The following GPR33 variants were observed in gnomAD, a reference collection of about 807,000 sequenced individuals.
GPR33 encodes G protein-coupled receptor 33.
Under a neutral mutation model 3.1 loss-of-function variants are expected in GPR33, and 4 were observed. That is an observed-to-expected ratio of 1.29 (90% confidence interval 0.64 to 2.96). The LOEUF is 2.96. GPR33 is among the 30% of genes most tolerant of loss of function. The pLI, the probability that GPR33 is intolerant of heterozygous loss-of-function variation, is 0.01. For synonymous variants in GPR33, 138 were observed against 142.0 expected (o/e 0.97, Z 0.20); for missense variants, 390 against 388.9 (o/e 1.00, Z -0.02).
chr14:31,487,364 C>T lies in GPR33; in HGVS notation c.-7+533G>A, dbSNP rs1278303617. ...CCACAGACCTGGGTTTGTATCCTACCTCTACCACTTACCAGCTCTGCAAGT... is the reference window on the plus strand; with the variant it reads ...CCACAGACCTGGGTTTGTATCCTACTTCTACCACTTACCAGCTCTGCAAGT... On this transcript the variant is annotated intron_variant, in intron 1 of 1. Transcript: ENST00000399285. 2.0e-5 allele frequency among the ~76,000 whole-genome samples: 3 copies of T among 151,774 alleles called. No individual in the cohort carries two copies. In the East Asian group the frequency reaches 5.8e-4, roughly 29 times the overall value.
Position 31,483,340 on chromosome 14 carries a change from C to G in GPR33, c.626G>C (p.Arg209Pro), listed in dbSNP as rs544480097. ...QWIHVACFIS[R>P]FLLGFLLPFF... ...AGGCAGAAGAAAGCCCAGCAAGAAG[C>G]GGCTGATGAAACAGGCCACATGAAT... The change falls in exon 2 of 2, where the codon CGC (arginine) becomes CCC (proline). Residue 209 changes from arginine (R) to proline (P), a missense_variant. Coordinates refer to ENST00000399285, the MANE Select transcript of GPR33 (RefSeq NM_001197184.3). 2 of 1,536,038 alleles carry G rather than the reference C, an allele frequency of 1.3e-6. No individual in the cohort carries two copies. Among genetic ancestry groups the G allele is most frequent in the Non-Finnish European group, 8.7e-7 (1 of 1,146,926 alleles).
At chr14:31,487,725 A>G (rs2032435742) in intron 1 of GPR33, among the ~76,000 whole-genome samples, 172 bp downstream of exon 1, 1 of 152,216 alleles carries the variant, frequency 6.6e-6, no homozygotes. Context: ...GGCATGAGCC[A>G]CCGTGCCCAG....
Position 31,483,074 on chromosome 14 carries a change from G to C in GPR33, c.892C>G (p.Leu298Val), listed in dbSNP as rs762312424. The change falls in exon 2 of 2, where the codon CTC becomes GTC. Residue 298 changes from leucine to valine, a missense_variant. By Grantham distance (32) the Leu-to-Val change is conservative. Transcript: ENST00000399285. ...AAATTCTCCCCAACAAATAAGTAGA[G>C]TGTGGGAGAAAAGATAGTATTGAAA... ...TSFNTIFSPT[L>V]YLFVGENFKK... 137 of 1,535,970 alleles carry C rather than the reference G, an allele frequency of 8.9e-5. No individual in the cohort carries two copies. Among genetic ancestry groups the C allele is most frequent in the Middle Eastern group, 3.3e-4 (2 of 6,006 alleles).
rs115805121 is a variant in GPR33, at chr14:31,483,541, G to C, written c.425C>G (p.Pro142Arg). ...CAGGACAATGCTGGAAGCCCAGCGCGGGGTTCGGTGCTGCTGGGACCACAC... is the reference window on the plus strand; with the variant it reads ...CAGGACAATGCTGGAAGCCCAGCGCCGGGTTCGGTGCTGCTGGGACCACAC... ...HPVWSQQHRT[P>R]RWASSIVLGV... is the part of the protein sequence containing the mutation. Residue 142 changes from proline to arginine, a missense_variant, in exon 2 of 2, where the codon CCG (proline) becomes CGG (arginine). Coordinates refer to ENST00000399285, the MANE Select transcript of GPR33 (RefSeq NM_001197184.3). 2,405 of 1,536,154 alleles carry C rather than the reference G, an allele frequency of 1.6e-3. 2 individuals are homozygous for C. Among genetic ancestry groups the C allele is most frequent in the Non-Finnish European group, 2.0e-3 (2,287 of 1,146,908 alleles).
intron 1 of GPR33, among the ~76,000 whole-genome samples, chr14:31,484,371 C>T (rs1361082029): frequency 2.6e-5 from 4 of 151,918 alleles, no homozygotes; most frequent in Non-Finnish European, 4.4e-5. Context: ...GCCTCAACCT[C>T]CTGGGCTCAA....
chr14:31,485,061 G>A (rs565193953), intron 1 of GPR33, among the ~76,000 whole-genome samples: 1 of 151,694 alleles, frequency 6.6e-6, no homozygotes, highest in Non-Finnish European at 1.5e-5. Context: ...TCAGCCTCCT[G>A]AGTAGCTGGG....
intron 1 of GPR33, among the ~76,000 whole-genome samples, chr14:31,484,499 T>C (rs1360091642): frequency 1.3e-5 from 2 of 152,172 alleles, no homozygotes; most frequent in East Asian, 1.9e-4. Context: ...TTGCCCAGCC[T>C]GGTCTTGAAC....
chr14:31,485,401 C>T (rs1298768296), intron 1 of GPR33, among the ~76,000 whole-genome samples: 3 of 151,262 alleles, frequency 2.0e-5, no homozygotes, highest in South Asian at 2.1e-4. Flanking sequence ...TTTGGGAGGC[C>T]GAGGTGGGCG....
intron 1 of GPR33, among the ~76,000 whole-genome samples, chr14:31,485,855 T>C (rs974683296): frequency 6.6e-6 from 1 of 152,298 alleles, no homozygotes; most frequent in African/African-American, 2.4e-5. Context: ...GCTCAGATGA[T>C]TTAGATAATC....
Position 31,483,814 on chromosome 14 carries a change from A to C in GPR33, c.152T>G (p.Leu51Arg). 1.3e-6 allele frequency: 2 copies of C among 1,536,072 alleles called. No homozygotes were observed. Among genetic ancestry groups the C allele is most frequent in the Non-Finnish European group, 8.7e-7 (1 of 1,146,830 alleles). ...TTTCATCTTGAATCTTAGCACCCATAGATAGAGGCCATTGGTGATGGTACC... is the reference window on the plus strand; with the variant it reads ...TTTCATCTTGAATCTTAGCACCCATCGATAGAGGCCATTGGTGATGGTACC... ...IIGTITNGLYLWVLRFKMKQT... is the reference protein window; with the variant it reads ...IIGTITNGLYRWVLRFKMKQT... Residue 51 changes from leucine to arginine, a missense_variant, in exon 2 of 2, where the codon CTA (leucine) becomes CGA (arginine). Coordinates refer to ENST00000399285, the MANE Select transcript of GPR33 (RefSeq NM_001197184.3).
chr14:31,484,978 C>A (rs370120775), intron 1 of GPR33, among the ~76,000 whole-genome samples: 8 of 151,758 alleles, frequency 5.3e-5, no homozygotes, highest in African/African-American at 1.7e-4. Context: ...CTTTGTCACG[C>A]AGGCTGGAGT....
Position 31,483,120 on chromosome 14 carries a change from T to C in GPR33, c.846A>G (p.Ile282Met), listed in dbSNP as rs775450998. The change falls in exon 2 of 2, where the codon ATA becomes ATG. Residue 282 changes from isoleucine to methionine, a missense_variant. By Grantham distance (10) the Ile-to-Met change is conservative (BLOSUM62 1). Coordinates refer to ENST00000399285, the MANE Select transcript of GPR33 (RefSeq NM_001197184.3). ...NQSLLLELTL[I>M]LTVLTTSFNT... ...TGAAAGAAGTGGTTAGCACTGTAAGTATCAAAGTCAACTCTAAAAGTAGTG... is the reference window on the plus strand; with the variant it reads ...TGAAAGAAGTGGTTAGCACTGTAAGCATCAAAGTCAACTCTAAAAGTAGTG... 103 of 1,536,048 alleles carry C rather than the reference T, an allele frequency of 6.7e-5. No homozygotes were observed. The African/African-American group carries it at 1.1e-3, about 16-fold the overall frequency.
Position 31,483,665 on chromosome 14 carries a change from A to G in GPR33, c.301T>C (p.Cys101Arg). 2.6e-6 allele frequency: 4 copies of G among 1,536,182 alleles called. No individual in the cohort carries two copies. The highest frequency in any genetic ancestry group is 3.5e-6 in the Non-Finnish European group (4 of 1,146,916). ...GACAAAGTGCCATTGAAGACCTTGC[A>G]CAAGGCAGTTCCAAAGTTCCAGTGA... ...DNHWNFGTALCKVFNGTLSLG... is the reference protein window; with the variant it reads ...DNHWNFGTALRKVFNGTLSLG... Residue 101 changes from cysteine (C) to arginine (R), a missense_variant, in exon 2 of 2, where the codon TGC becomes CGC. Cys to Arg is a radical substitution (Grantham distance 180, BLOSUM62 -3). Transcript: ENST00000399285.
At chr14:31,484,536 T>G (rs2032397531) in intron 1 of GPR33, among the ~76,000 whole-genome samples, 2 of 152,180 alleles carry the variant, frequency 1.3e-5, no homozygotes, top group Non-Finnish European at 2.9e-5. Flanking sequence ...TTTTCCCGCT[T>G]GGCCTCGCAA....
rs1288889682 is a variant in GPR33 at position 31,483,149 on chromosome 14, G to A, written c.817C>T (p.Gln273Ter). The A allele has an allele frequency of 6.5e-7, 1 of 1,535,922 alleles. No individual in the cohort carries two copies. The highest frequency in any genetic ancestry group is 8.7e-7 in the Non-Finnish European group (1 of 1,146,858). ...IHQGLLLTTN[Q>*]SLLLELTLIL... ...AAAGTCAACTCTAAAAGTAGTGACT[G>A]GTTCGTAGTGAGAAGTAAGCCCTGG... The change falls in exon 2 of 2, where the codon CAG (glutamine) becomes TAG (stop). Residue 273 changes from glutamine to a stop codon, truncating the protein, a stop_gained. Coordinates refer to ENST00000399285, the MANE Select transcript of GPR33 (RefSeq NM_001197184.3). LOFTEE classifies it high-confidence loss of function.
chr14:31,485,637 C>CAA lies in GPR33; in HGVS notation c.-6-1668_-6-1667dup, dbSNP rs34013315. ...CTGGTGACAGAGCGAGACTCTGTCTCAAAAAAAAAAAAAAAAAATTCTGTT... is the reference window on the plus strand; with the variant it reads ...CTGGTGACAGAGCGAGACTCTGTCTCAAAAAAAAAAAAAAAAAAAATTCTGTT... On this transcript the variant is annotated intron_variant, in intron 1 of 1. Transcript: ENST00000399285. 5.8e-3 allele frequency among the ~76,000 whole-genome samples: 652 copies of CAA among 113,200 alleles called. 7 individuals carry two copies. Among genetic ancestry groups the CAA allele is most frequent in the African/African-American group, 0.021 (600 of 28,880 alleles). The allele number at this position is 113,200 out of a possible 152,430, so 74.3% of individuals were successfully genotyped here. A position where few individuals can be genotyped will look rare whatever the true frequency, so the allele number is the denominator to read the frequency against.
chr14:31,487,082 G>A (rs2032426933), intron 1 of GPR33, among the ~76,000 whole-genome samples: 3 of 152,170 alleles, frequency 2.0e-5, no homozygotes, highest in South Asian at 2.1e-4. Context: ...CTAGATACCC[G>A]AATTATGGGA....
chr14:31,486,664 G>GA (rs1214844967), intron 1 of GPR33, among the ~76,000 whole-genome samples: 1 of 152,084 alleles, frequency 6.6e-6, no homozygotes, highest in African/African-American at 2.4e-5. Context: ...AGGCAGCACA[G>GA]AAAAAAACTC....
intron 1 of GPR33, among the ~76,000 whole-genome samples, chr14:31,486,886 A>G (rs1018800292): frequency 6.6e-5 from 10 of 152,060 alleles, no homozygotes; most frequent in Non-Finnish European, 1.3e-4. Context: ...TGGTGTTTTT[A>G]TCCATGGAGT....
Sources: gnomAD v4.1 joint callset for allele counts (sites outside exome capture counted in the v4.1 genomes callset) on GRCh38, gnomAD v4.1.1 for gene constraint, MANE v1.5 for transcripts, NCBI Gene and HGNC (gene_info 2026-07-23, HGNC 2026-07-21) for gene names.